The following SNX29 variants were observed in gnomAD, a reference collection of about 807,000 sequenced individuals.
The protein encoded by SNX29 is sorting nexin 29, also known as sorting nexin-29.
Under a neutral mutation model 102.1 loss-of-function variants are expected in SNX29, and 78 were observed. That is an observed-to-expected ratio of 0.76 (90% CI 0.64 to 0.92). The LOEUF (loss-of-function observed/expected upper bound fraction) is 0.92. SNX29 is among the 40% of genes least tolerant of loss of function. SNX29 has a pLI of 0.00. For missense variants in SNX29, 1,280 were observed against 1,061.7 expected (o/e 1.21, Z -2.86); for synonymous variants, 580 against 414.5 (o/e 1.40, Z -4.85).
chr16:12,377,970 T>C (rs2082938168), intron 16 of SNX29, among the ~76,000 whole-genome samples: 1 of 152,192 alleles, frequency 6.6e-6, no homozygotes, highest in African/African-American at 2.4e-5. Context: ...ATGCTGGAGC[T>C]GGATGAGGCC....
At chr16:12,415,590 G>T (rs1278282462) in intron 18 of SNX29, among the ~76,000 whole-genome samples, 1 of 152,200 alleles carries the variant, frequency 6.6e-6, no homozygotes, top group Non-Finnish European at 1.5e-5. Context: ...ACTATGCCAG[G>T]CCCAGCGTCT....
chr16:12,337,939 G>A (rs1207674601), intron 15 of SNX29, among the ~76,000 whole-genome samples: 2 of 152,294 alleles, frequency 1.3e-5, no homozygotes, highest in East Asian at 1.9e-4. Context: ...CACTTCCATG[G>A]CCCTCTCACA....
chr16:12,328,472 C>CT (rs1313351806), intron 15 of SNX29, among the ~76,000 whole-genome samples: 1 of 152,188 alleles, frequency 6.6e-6, no homozygotes. Context: ...GAAGCACAGG[C>CT]TATGACCTCT....
chr16:12,124,086 G>T lies in SNX29; in HGVS notation c.1403-2547G>T, dbSNP rs949345225. ...AAAACTGGTGTTCAAGCCCGGGCGC[G>T]GGGGCTCACGCCTGTAATCCCAGCA... On this transcript the variant is annotated intron_variant, in intron 11 of 20. Coordinates refer to ENST00000566228, the MANE Select transcript of SNX29 (RefSeq NM_032167.5). Among the ~76,000 whole-genome samples the T allele has an allele frequency of 2.0e-5, 3 of 152,266 alleles. No individual in the cohort carries two copies. The East Asian group carries it at 5.8e-4, about 29-fold the overall frequency.
intron 20 of SNX29, among the ~76,000 whole-genome samples, chr16:12,539,773 CTAATGAG>C (rs1428053430): frequency 6.6e-6 from 1 of 152,170 alleles, no homozygotes; most frequent in African/African-American, 2.4e-5. Flanking sequence ...TTGCATTTTC[CTAATGAG>C]TAATGATGTT....
chr16:12,390,160 G>GTGTGTT (rs1207926715), intron 16 of SNX29, among the ~76,000 whole-genome samples: 1 of 151,296 alleles, frequency 6.6e-6, no homozygotes, highest in Non-Finnish European at 1.5e-5. Flanking sequence ...GTGTGTGTGT[G>GTGTGTT]TGTGTGTGTG....
At chr16:12,062,016 C>G (rs1365904597) in intron 9 of SNX29, among the ~76,000 whole-genome samples, 2 of 152,158 alleles carry the variant, frequency 1.3e-5, no homozygotes, top group Admixed American at 1.3e-4. Context: ...GGTAACTGAA[C>G]CCCTGTCTGT....
intron 14 of SNX29, among the ~76,000 whole-genome samples, chr16:12,265,693 T>C (rs2078906728): frequency 1.5e-5 from 1 of 65,520 alleles, no homozygotes; most frequent in African/African-American, 6.9e-5. Context: ...AAACCTCAAC[T>C]CTACCAAAAA....
rs138154899 is a variant in SNX29, at chr16:12,159,953, C to T, written c.1595+30195C>T. Among the ~76,000 whole-genome samples, 479 of 152,352 alleles carry T rather than the reference C, an allele frequency of 3.1e-3. 3 individuals are homozygous for T. Among genetic ancestry groups the T allele is most frequent in the South Asian group, 7.7e-3 (37 of 4,826 alleles). On this transcript the variant is annotated intron_variant, in intron 13 of 20. Coordinates refer to ENST00000566228, the MANE Select transcript of SNX29 (RefSeq NM_032167.5). ...CTAGGCAGCCACTTCCAGTCATAGGCACCAATTTTCTTTACTGAAAATCTA... is the reference window on the plus strand; with the variant it reads ...CTAGGCAGCCACTTCCAGTCATAGGTACCAATTTTCTTTACTGAAAATCTA...
At position 12,571,466 on chromosome 16, in the gene SNX29, C is replaced by CCCCT. The variant is rs1008068026; in HGVS notation, c.*2841_*2844dup. 2.8e-5 allele frequency: 7 copies of CCCCT among 249,922 alleles called. No individual in the cohort carries two copies. The highest frequency in any genetic ancestry group is 1.6e-4 in the African/African-American group (7 of 44,266). 15.5% of individuals were successfully genotyped at this position (249,922 alleles called of 1,614,324 possible). On this transcript the variant is annotated 3_prime_UTR_variant, in exon 21 of 21. Transcript: ENST00000566228. ...TCAAACAACATCTGAGAACAGAAGC[C>CCCCT]CCCTCCCCTACTCAGAGAGGAACGA...
At chr16:12,072,953 C>T (rs1200884367) in intron 10 of SNX29, among the ~76,000 whole-genome samples, 3 of 152,134 alleles carry the variant, frequency 2.0e-5, no homozygotes, top group South Asian at 2.1e-4. Flanking sequence ...AGTTTATTTG[C>T]GTAGAGGTGT....
At chr16:12,392,185 A>G (rs977381846) in intron 16 of SNX29, among the ~76,000 whole-genome samples, 1 of 152,182 alleles carries the variant, frequency 6.6e-6, no homozygotes, top group African/African-American at 2.4e-5. Flanking sequence ...CCTCCTCTTT[A>G]GAGGAGATGC....
chr16:12,442,981 T>A (rs1473516823), intron 18 of SNX29: 1 of 455,848 alleles, frequency 2.2e-6, no homozygotes, highest in Non-Finnish European at 4.4e-6. Context: ...ACTTTTCTTT[T>A]GATTTTTTTC....
chr16:12,418,368 A>G (rs1247128630), intron 18 of SNX29, among the ~76,000 whole-genome samples: 1 of 119,042 alleles, frequency 8.4e-6, no homozygotes, highest in Non-Finnish European at 2.0e-5. Flanking sequence ...TGAGGATTGT[A>G]TTTATTTTTT....
At chr16:12,516,196 G>A (rs553813577) in intron 19 of SNX29, among the ~76,000 whole-genome samples, 22 of 152,282 alleles carry the variant, frequency 1.4e-4, no homozygotes, top group African/African-American at 3.4e-4. Context: ...GAATGGGTAC[G>A]AGACCAGGCG....
At position 12,573,072 on chromosome 16, in the gene SNX29, C is replaced by G. The variant is rs949698210; in HGVS notation, c.*4443C>G. The G allele has an allele frequency of 1.3e-5, 3 of 231,366 alleles. No homozygotes were observed. Among genetic ancestry groups the G allele is most frequent in the East Asian group, 6.2e-5 (1 of 16,058 alleles). The allele number at this position is 231,366 out of a possible 1,614,324, so 14.3% of individuals were successfully genotyped here. A position where few individuals can be genotyped will look rare whatever the true frequency, so the allele number is the denominator to read the frequency against. ...AGTTGTAGCACTGTATATTTTATCT[C>G]ATTTCTGTGCCAAGAAAGTTCATCT... On this transcript the variant is annotated 3_prime_UTR_variant, in exon 21 of 21. Transcript: ENST00000566228.
chr16:12,507,788 C>T (rs546539041), intron 19 of SNX29, among the ~76,000 whole-genome samples: 1 of 152,196 alleles, frequency 6.6e-6, no homozygotes, highest in African/African-American at 2.4e-5. Context: ...CCCTCCCTCC[C>T]CTTATCCATG....
intron 19 of SNX29, among the ~76,000 whole-genome samples, chr16:12,483,601 C>G (rs1467965250): frequency 6.6e-6 from 1 of 152,206 alleles, no homozygotes; most frequent in African/African-American, 2.4e-5. Flanking sequence ...AGGCGTGAGC[C>G]ACCACATCTG....
chr16:12,329,030 G>A (rs2081212885), intron 15 of SNX29, among the ~76,000 whole-genome samples: 1 of 151,914 alleles, frequency 6.6e-6, no homozygotes, highest in Non-Finnish European at 1.5e-5. Context: ...CCAACACTTT[G>A]GGAGGCTGAG....
Sources: allele counts gnomAD v4.1 joint callset (sites outside exome capture counted in the v4.1 genomes callset), GRCh38; gene constraint gnomAD v4.1.1; transcripts MANE v1.5; gene names NCBI Gene and HGNC (gene_info 2026-07-23, HGNC 2026-07-21).